CADM1: variants seen among roughly 807,000 people sequenced by gnomAD.
CADM1 encodes TSLC-1.
A neutral mutation model predicts 53.1 loss-of-function variants in CADM1; 15 were observed. The ratio of observed to expected loss-of-function variants is 0.28; its 90% CI spans 0.19 to 0.44. CADM1 has a LOEUF of 0.44. Ranked by LOEUF, CADM1 falls within the 20% of genes least tolerant of loss-of-function variation. The pLI is 1.00. For synonymous variants in CADM1, 281 were observed against 243.0 expected (o/e 1.16, Z -1.45); for missense variants, 434 against 611.3 (o/e 0.71, Z 3.06).
Position 115,504,304 on chromosome 11 carries a change from ACAG to A in CADM1, c.88_90del (p.Leu32del). On this transcript the variant is annotated inframe_deletion, in exon 1 of 12. Coordinates refer to ENST00000331581, the MANE Select transcript of CADM1 (RefSeq NM_001301043.2). ...ATCAGTGCCGCGGCGGAGAAGAGCA[ACAG>A]CAGAAGCCGGAGCCGGAGCCCGGGA... is the stretch of plus-strand genomic sequence containing the variant. The A allele has an allele frequency of 1.3e-6, 2 of 1,564,600 alleles. No individual in the cohort carries two copies. Among genetic ancestry groups the A allele is most frequent in the Non-Finnish European group, 1.7e-6 (2 of 1,155,390 alleles).
chr11:115,198,350 T>G, intron 9 of CADM1, 56 bp downstream of exon 9: 1 of 1,364,944 alleles, frequency 7.3e-7, no homozygotes, highest in East Asian at 2.3e-5. Context: ...TTTCCCAGGC[T>G]TGCCTTGCCT....
intron 1 of CADM1, among the ~76,000 whole-genome samples, chr11:115,368,083 C>T (rs1020851550): frequency 6.6e-4 from 89 of 135,864 alleles, no homozygotes; most frequent in African/African-American, 2.3e-3. Flanking sequence ...TCCCCAGGCA[C>T]AAAAATGTCT....
At chr11:115,370,948 C>T (rs1946292171) in intron 1 of CADM1, among the ~76,000 whole-genome samples, 1 of 152,064 alleles carries the variant, frequency 6.6e-6, no homozygotes, top group Admixed American at 6.6e-5. Flanking sequence ...TTAACAGGGA[C>T]AAGATTTACT....
intron 1 of CADM1, among the ~76,000 whole-genome samples, chr11:115,350,366 A>G (rs1945697087): frequency 1.3e-5 from 2 of 152,332 alleles, no homozygotes; most frequent in Non-Finnish European, 2.9e-5. Flanking sequence ...AGTATGTGAA[A>G]ATGGTTCAGT....
chr11:115,199,198 C>G (rs950097134), intron 8 of CADM1, among the ~76,000 whole-genome samples: 3 of 152,154 alleles, frequency 2.0e-5, no homozygotes, highest in African/African-American at 7.2e-5. Context: ...CACCCAAGTT[C>G]ACACAATCTG....
chr11:115,404,109 T>C (rs1947235929), intron 1 of CADM1, among the ~76,000 whole-genome samples: 1 of 148,672 alleles, frequency 6.7e-6, no homozygotes, highest in South Asian at 2.2e-4. Flanking sequence ...GCAGATCACT[T>C]GAGGTCAGAT....
rs57800253 is a variant in CADM1 at position 115,492,932 on chromosome 11, TACACACACACAC to T, written c.124+11327_124+11338del. On this transcript the variant is annotated intron_variant, in intron 1 of 11. Transcript: ENST00000331581. The stretch of plus-strand genomic sequence containing the variant: ...TTTTTTTGAGACAAAGGATATTTTA[TACACACACACAC>T]ACACACACACACACACACCCTTGTT... 4.4e-3 allele frequency among the ~76,000 whole-genome samples: 652 copies of T among 146,834 alleles called. 5 individuals are homozygous for T. The highest frequency in any genetic ancestry group is 0.015 in the African/African-American group (591 of 39,916).
At chr11:115,213,560 T>C (rs900240425) in intron 7 of CADM1, among the ~76,000 whole-genome samples, 2 of 152,236 alleles carry the variant, frequency 1.3e-5, no homozygotes, top group African/African-American at 4.8e-5. Context: ...AGCATGCTTC[T>C]ATTTGATTAA....
intron 1 of CADM1, among the ~76,000 whole-genome samples, chr11:115,362,596 A>G (rs1303566611): frequency 6.6e-6 from 1 of 152,224 alleles, no homozygotes; most frequent in Admixed American, 6.5e-5. Flanking sequence ...TAGTATAAAC[A>G]GATTATTAGA....
intron 1 of CADM1, among the ~76,000 whole-genome samples, chr11:115,332,980 T>C (rs1207888599): frequency 6.6e-6 from 1 of 152,110 alleles, no homozygotes; most frequent in African/African-American, 2.4e-5. Context: ...CTTCTCACTC[T>C]ATACACCCTG....
At chr11:115,439,220 A>G (rs1948253150) in intron 1 of CADM1, among the ~76,000 whole-genome samples, 1 of 152,212 alleles carries the variant, frequency 6.6e-6, no homozygotes, top group Admixed American at 6.5e-5. Context: ...AAACTGGCCC[A>G]AAATGTAAAA....
intron 1 of CADM1, among the ~76,000 whole-genome samples, chr11:115,450,744 A>G (rs2135347895): frequency 6.6e-6 from 1 of 152,346 alleles, no homozygotes; most frequent in Non-Finnish European, 1.5e-5. Context: ...ATTGCCAGTG[A>G]GTATTAACAG....
intron 3 of CADM1, among the ~76,000 whole-genome samples, chr11:115,236,650 T>C (rs1445269746): frequency 6.6e-6 from 1 of 152,096 alleles, no homozygotes; most frequent in Non-Finnish European, 1.5e-5. Context: ...GTTTTGAGAA[T>C]AAATGTATCA....
intron 1 of CADM1, among the ~76,000 whole-genome samples, chr11:115,394,224 T>C (rs927644380): frequency 6.6e-6 from 1 of 152,120 alleles, no homozygotes; most frequent in Non-Finnish European, 1.5e-5. Context: ...TTACATCAGA[T>C]CTCTATCTAA....
At chr11:115,293,356 C>G (rs1368995882) in intron 1 of CADM1, among the ~76,000 whole-genome samples, 1 of 152,122 alleles carries the variant, frequency 6.6e-6, no homozygotes, top group Non-Finnish European at 1.5e-5. Flanking sequence ...TGGCGTGAAC[C>G]CGGCAGGCGG....
At position 115,231,454 on chromosome 11, in the gene CADM1, T is replaced by C. The variant is rs1464224836; in HGVS notation, c.461A>G (p.Asp154Gly). Residue 154 changes from aspartate to glycine, a missense_variant, in exon 4 of 12, where the codon GAC (aspartate) becomes GGC (glycine). Asp to Gly is a moderately conservative substitution (Grantham distance 94). Coordinates refer to ENST00000331581, the MANE Select transcript of CADM1 (RefSeq NM_001301043.2). ...PRNLMIDIQKDTAVEGEEIEV... is the reference protein window; with the variant it reads ...PRNLMIDIQKGTAVEGEEIEV... ...AATCTCCTCACCTTCCACCGCAGTG[T>C]CTTTCTGGATATCGATCATCAGATT... The C allele has an allele frequency of 4.3e-6, 7 of 1,613,952 alleles. No individual in the cohort carries two copies. Among genetic ancestry groups the C allele is most frequent in the Non-Finnish European group, 5.9e-6 (7 of 1,179,930 alleles).
intron 7 of CADM1, 142 bp from the exon 8 acceptor site, chr11:115,209,799 A>G: frequency 2.1e-6 from 2 of 970,948 alleles, no homozygotes; most frequent in South Asian, 1.6e-5. Flanking sequence ...TCCCTGCAAG[A>G]TTTATGTCTT....
At chr11:115,222,504 C>A (rs1565307490) in intron 5 of CADM1, among the ~76,000 whole-genome samples, 1 of 152,122 alleles carries the variant, frequency 6.6e-6, no homozygotes, top group Non-Finnish European at 1.5e-5. Context: ...TATTTGCTTT[C>A]TATTGTCATA....
At chr11:115,296,697 T>C (rs1944087516) in intron 1 of CADM1, among the ~76,000 whole-genome samples, 1 of 152,210 alleles carries the variant, frequency 6.6e-6, no homozygotes, top group Non-Finnish European at 1.5e-5. Flanking sequence ...ATAAATCCCT[T>C]TTCTTTATAA....
Sources: gnomAD v4.1 joint callset for allele counts (sites outside exome capture counted in the v4.1 genomes callset) on GRCh38, gnomAD v4.1.1 for gene constraint, MANE v1.5 for transcripts, NCBI Gene and HGNC (gene_info 2026-07-23, HGNC 2026-07-21) for gene names.